COL4A5: variants seen among roughly 807,000 people sequenced by gnomAD.
The protein encoded by COL4A5 is collagen alpha-5(IV) chain.
Under a neutral mutation model 130.2 loss-of-function variants are expected in COL4A5, and 26 were observed. That is an observed-to-expected ratio of 0.20 (90% CI 0.15 to 0.28). COL4A5 has a LOEUF of 0.28. COL4A5 is among the 10% of genes least tolerant of loss of function. COL4A5 has a pLI of 1.00. For synonymous variants in COL4A5, 496 were observed against 439.6 expected (o/e 1.13, Z -1.60); for missense variants, 1,131 against 1,344.3 (o/e 0.84, Z 2.48).
At position 108,692,873 on chromosome X, in the gene COL4A5, C is replaced by A. The variant is rs2068659374; in HGVS notation, c.4654C>A (p.Pro1552Thr). 4 of 1,211,236 alleles carry A rather than the reference C, an allele frequency of 3.3e-6. No individual in the cohort carries two copies. The highest frequency in any genetic ancestry group is 5.9e-5 in the East Asian group (2 of 33,819). The change falls in exon 50 of 53, where the codon CCA becomes ACA. Residue 1552 changes from proline (P) to threonine (T), a missense_variant. Pro to Thr is a conservative substitution (Grantham distance 38). Coordinates refer to ENST00000328300, the MANE Select transcript of COL4A5 (RefSeq NM_033380.3). Reference sequence around the variant, plus strand: ...CTGGCTCTCTACCCCAGAGCCCATGCCAATGAGCATGCAACCCCTAAAGGG... The same window carrying A: ...CTGGCTCTCTACCCCAGAGCCCATGACAATGAGCATGCAACCCCTAAAGGG... ...SYWLSTPEPM[P>T]MSMQPLKGQS...
intron 1 of COL4A5, among the ~76,000 whole-genome samples, chrX:108,530,902 A>G (rs1231590985): frequency 9.6e-6 from 1 of 104,578 alleles, no homozygotes; most frequent in African/African-American, 3.5e-5. Flanking sequence ...ATAAAGACAC[A>G]TGCACACGTA....
intron 1 of COL4A5, among the ~76,000 whole-genome samples, chrX:108,453,564 A>G (rs1294071908): frequency 8.9e-6 from 1 of 111,776 alleles, no homozygotes; most frequent in Non-Finnish European, 1.9e-5. Context: ...TAATTTTTAT[A>G]TGGTATATGT....
At chrX:108,469,149 A>G (rs2064738560) in intron 1 of COL4A5, among the ~76,000 whole-genome samples, 1 of 94,062 alleles carries the variant, frequency 1.1e-5, no homozygotes, top group Non-Finnish European at 2.1e-5. Flanking sequence ...GATTTTTCAT[A>G]GTATTTTCTC....
intron 37 of COL4A5, among the ~76,000 whole-genome samples, chrX:108,663,179 A>T (rs2067998776): frequency 8.9e-6 from 1 of 111,810 alleles, no homozygotes; most frequent in African/African-American, 3.3e-5. Context: ...TCCCTCCTAA[A>T]TATGCTTGTT....
chrX:108,690,780 T>A (rs758125744), intron 49 of COL4A5, among the ~76,000 whole-genome samples: 1 of 111,422 alleles, frequency 9.0e-6, no homozygotes, highest in Non-Finnish European at 1.9e-5. Flanking sequence ...TTGCTAAAGA[T>A]ACAATTACCG....
intron 37 of COL4A5, among the ~76,000 whole-genome samples, chrX:108,657,182 A>G (rs1353701929): frequency 9.0e-6 from 1 of 110,570 alleles, no homozygotes; most frequent in African/African-American, 3.3e-5. Flanking sequence ...TTACAGTGTG[A>G]GGTAGGGGTC....
chrX:108,456,443 C>A (rs1268205505), intron 1 of COL4A5, among the ~76,000 whole-genome samples: 1 of 111,654 alleles, frequency 9.0e-6, no homozygotes, highest in African/African-American at 3.3e-5. Context: ...TAAATTTATT[C>A]ATTAGTTCTA....
At chrX:108,616,719 C>G (rs376000402) in intron 30 of COL4A5, among the ~76,000 whole-genome samples, 1 of 111,148 alleles carries the variant, frequency 9.0e-6, no homozygotes, top group Non-Finnish European at 1.9e-5. Flanking sequence ...TATGTTAACA[C>G]GTGTCACGCT....
chrX:108,577,707 C>T (rs773290141), intron 10 of COL4A5, among the ~76,000 whole-genome samples: 30 of 110,945 alleles, frequency 2.7e-4, no homozygotes, highest in Admixed American at 1.9e-3. Context: ...AATGGGGCTA[C>T]CTCTCTACCT....
At chrX:108,556,396 C>G (rs913090387) in intron 2 of COL4A5, among the ~76,000 whole-genome samples, 1 of 110,696 alleles carries the variant, frequency 9.0e-6, no homozygotes, top group Non-Finnish European at 1.9e-5. Context: ...CTATGAGAGC[C>G]TAGTTTTTTA....
intron 1 of COL4A5, among the ~76,000 whole-genome samples, chrX:108,532,445 A>G (rs2065397302): frequency 8.9e-6 from 1 of 111,870 alleles, no homozygotes; most frequent in African/African-American, 3.2e-5. Flanking sequence ...AATAAAGGCC[A>G]TATACTTCAA....
At chrX:108,623,941 A>G (rs899151537) in intron 33 of COL4A5, among the ~76,000 whole-genome samples, 5 of 111,781 alleles carry the variant, frequency 4.5e-5, no homozygotes, top group Admixed American at 2.9e-4. Context: ...AATCTAAGAG[A>G]TAACCTAGAG....
rs1158147102 is a variant in COL4A5 at position 108,666,581 on chromosome X, G to A, written c.3540G>A (p.Gln1180=). The A allele has an allele frequency of 8.3e-7, 1 of 1,202,700 alleles. No individual in the cohort carries two copies. Among genetic ancestry groups the A allele is most frequent in the African/African-American group, 1.7e-5 (1 of 57,626 alleles). The stretch of plus-strand genomic sequence containing the variant: ...ATGGTATTCCTGGACCAGCTGGACA[G>A]AAGGGTGAACCAGGTGCTGTAGTTT... ...GQDGIPGPAG[Q]KGEPGQPGFG... The change falls in exon 39 of 53, where the codon CAG becomes CAA. Residue 1180 remains glutamine, a synonymous_variant. Coordinates refer to ENST00000328300, the MANE Select transcript of COL4A5 (RefSeq NM_033380.3).
intron 1 of COL4A5, among the ~76,000 whole-genome samples, chrX:108,447,514 T>C (rs1321702791): frequency 8.9e-6 from 1 of 112,174 alleles, no homozygotes; most frequent in Non-Finnish European, 1.9e-5. Context: ...TGTTATGCAT[T>C]GTGGTTTTTC....
At chrX:108,458,598 T>C (rs756377284) in intron 1 of COL4A5, among the ~76,000 whole-genome samples, 3 of 111,921 alleles carry the variant, frequency 2.7e-5, no homozygotes, top group Non-Finnish European at 3.8e-5. Context: ...TGGGATTGTA[T>C]TTAATCTATA....
At chrX:108,473,940 A>G in intron 1 of COL4A5, among the ~76,000 whole-genome samples, 1 of 110,167 alleles carries the variant, frequency 9.1e-6, no homozygotes, top group Middle Eastern at 4.7e-3. Context: ...CCAATAAAAT[A>G]TTTTTGTACA....
At position 108,579,643 on chromosome X, in the gene COL4A5, T is replaced by C. The variant is rs144535428; in HGVS notation, c.781-890T>C. On this transcript the variant is annotated intron_variant, in intron 13 of 52. Transcript: ENST00000328300. Reference sequence around the variant, plus strand: ...TAGATGAGGGAAATTAGATATATTTTTAAAGCATACTGGCCCACACTTTAA... The same window carrying C: ...TAGATGAGGGAAATTAGATATATTTCTAAAGCATACTGGCCCACACTTTAA... 2.6e-3 allele frequency among the ~76,000 whole-genome samples: 297 copies of C among 112,158 alleles called. 1 individual carries two copies. Among genetic ancestry groups the C allele is most frequent in the Middle Eastern group, 9.2e-3 (2 of 217 alleles).
At chrX:108,667,041 G>T in intron 39 of COL4A5, 92 bp from the exon 40 acceptor site, 1 of 833,774 alleles carries the variant, frequency 1.2e-6, no homozygotes, top group Non-Finnish European at 1.8e-6. Context: ...TGCACCTAAT[G>T]AAAACCTCAA....
chrX:108,642,693 A>C (rs1404190032), intron 36 of COL4A5, among the ~76,000 whole-genome samples: 1 of 109,903 alleles, frequency 9.1e-6, no homozygotes, highest in Non-Finnish European at 1.9e-5. Context: ...GGGGGAGAGT[A>C]CTACATCAAG....
Sources: allele counts gnomAD v4.1 joint callset (sites outside exome capture counted in the v4.1 genomes callset), GRCh38; gene constraint gnomAD v4.1.1; transcripts MANE v1.5; gene names NCBI Gene and HGNC (gene_info 2026-07-23, HGNC 2026-07-21).